The following DNM3 variants were observed in gnomAD, a reference collection of about 807,000 sequenced individuals.
DNM3 encodes the protein dynamin 3, also known as dynamin-3.
A neutral mutation model predicts 101.6 loss-of-function variants in DNM3; 47 were observed. That is an observed-to-expected ratio of 0.46 (90% confidence interval 0.37 to 0.59). DNM3 has a LOEUF of 0.59. Ranked by LOEUF, DNM3 falls within the 20% of genes least tolerant of loss-of-function variation. The probability of loss-of-function intolerance (pLI) is 0.00; values close to 1 mark genes in which losing one functional copy is unlikely to be tolerated. For synonymous variants in DNM3, 385 were observed against 387.9 expected, an observed-to-expected ratio of 0.99 and a Z score of 0.09; for missense variants, 849 against 1,085.7, an observed-to-expected ratio of 0.78 and a Z score of 3.06.
intron 2 of DNM3, among the ~76,000 whole-genome samples, chr1:171,929,145 C>T (rs2040808514): frequency 6.6e-6 from 1 of 152,098 alleles, no homozygotes. Flanking sequence ...TCTGCTTTAG[C>T]CCCTGGTTGC....
At chr1:171,874,995 C>T (rs10913908) in intron 1 of DNM3, among the ~76,000 whole-genome samples, 113,563 of 151,858 alleles carry the variant, frequency 0.75, 43,146 homozygotes, top group African/African-American at 0.9. Context: ...GCAAAGGACA[C>T]GATTTTGTTC....
intron 15 of DNM3, among the ~76,000 whole-genome samples, chr1:172,284,088 G>T (rs577781532): frequency 6.6e-6 from 1 of 152,134 alleles, no homozygotes; most frequent in African/African-American, 2.4e-5. Flanking sequence ...CAGCTGCTAC[G>T]TTTTCCTGGA....
At chr1:172,087,314 C>T (rs1445747955) in intron 12 of DNM3, among the ~76,000 whole-genome samples, 1 of 151,744 alleles carries the variant, frequency 6.6e-6, no homozygotes, top group African/African-American at 2.4e-5. Flanking sequence ...CACCCTAGAC[C>T]CCCTTCTTTC....
At chr1:171,936,818 C>A (rs1215652768) in intron 2 of DNM3, among the ~76,000 whole-genome samples, 1 of 24,666 alleles carries the variant, frequency 4.1e-5, no homozygotes, top group African/African-American at 1.5e-4. Context: ...AAGAAAGATA[C>A]CCAGTAACAG....
chr1:172,415,540 T>TTG (rs1558115326), downstream of DNM3, among the ~76,000 whole-genome samples: 9 of 143,636 alleles, frequency 6.3e-5, no homozygotes, highest in Middle Eastern at 3.5e-3. Context: ...TTTTTTTTTT[T>TTG]TTTTTTTGAG....
chr1:172,318,941 G>T (rs1168064554), intron 16 of DNM3, among the ~76,000 whole-genome samples: 1 of 152,056 alleles, frequency 6.6e-6, no homozygotes, highest in Admixed American at 6.5e-5. Context: ...TCAATCCTAA[G>T]CCAAAAGAAC....
chr1:172,066,930 ATC>A (rs773258323), intron 10 of DNM3, among the ~76,000 whole-genome samples: 1 of 145,030 alleles, frequency 6.9e-6, no homozygotes, highest in East Asian at 2.1e-4. Flanking sequence ...TTAGGTTGAG[ATC>A]TCTCTCTCTG....
At chr1:172,142,225 G>T (rs1197506460) in intron 14 of DNM3, 1 of 151,812 alleles carries the variant, frequency 6.6e-6, no homozygotes, top group Non-Finnish European at 1.5e-5. Flanking sequence ...TAAAATATTT[G>T]TATATCTCCT....
At chr1:172,343,777 C>G (rs995614101) in intron 17 of DNM3, among the ~76,000 whole-genome samples, 2 of 152,038 alleles carry the variant, frequency 1.3e-5, no homozygotes, top group Admixed American at 6.6e-5. Flanking sequence ...TGGGGATTTC[C>G]CGGAGAGAAT....
chr1:172,402,698 T>G (rs2070586807), intron 20 of DNM3, among the ~76,000 whole-genome samples: 1 of 152,204 alleles, frequency 6.6e-6, no homozygotes, highest in Non-Finnish European at 1.5e-5. Context: ...GTTATTCTTC[T>G]GATAATGACT....
chr1:172,038,685 T>A (rs2125825703), intron 7 of DNM3, among the ~76,000 whole-genome samples: 1 of 152,314 alleles, frequency 6.6e-6, no homozygotes, highest in East Asian at 1.9e-4. Context: ...CATGCCCATT[T>A]AAATTGTGTT....
chr1:172,308,043 A>T (rs1357759094), intron 15 of DNM3, among the ~76,000 whole-genome samples: 1 of 152,150 alleles, frequency 6.6e-6, no homozygotes, highest in Non-Finnish European at 1.5e-5. Context: ...CTTAAATAAA[A>T]AAAAGAAAAG....
At chr1:172,082,350 C>A (rs746602558) in intron 12 of DNM3, among the ~76,000 whole-genome samples, 5 of 146,420 alleles carry the variant, frequency 3.4e-5, no homozygotes, top group Non-Finnish European at 4.5e-5. Context: ...TTAAACTTTG[C>A]GAAATTAGAT....
At chr1:172,025,387 T>G (rs1306593248) in intron 4 of DNM3, among the ~76,000 whole-genome samples, 4 of 152,150 alleles carry the variant, frequency 2.6e-5, no homozygotes, top group Non-Finnish European at 5.9e-5. Flanking sequence ...TCAGCAGACT[T>G]AAATGTTCCT....
chr1:172,087,290 T>C (rs993922937), intron 12 of DNM3, among the ~76,000 whole-genome samples: 3 of 152,188 alleles, frequency 2.0e-5, no homozygotes, highest in African/African-American at 7.2e-5. Context: ...AGAACTATTC[T>C]TTAATCAATT....
chr1:172,261,555 G>T (rs1365876505), intron 15 of DNM3, among the ~76,000 whole-genome samples: 1 of 152,230 alleles, frequency 6.6e-6, no homozygotes, highest in Non-Finnish European at 1.5e-5. Context: ...GCCAATTCTT[G>T]TGCCTCCAGG....
intron 15 of DNM3, among the ~76,000 whole-genome samples, chr1:172,290,934 G>C (rs186800784): frequency 3.5e-4 from 53 of 152,226 alleles, no homozygotes; most frequent in Non-Finnish European, 6.9e-4. Context: ...AGTCAGGCGG[G>C]TGTGATATCA....
intron 13 of DNM3, among the ~76,000 whole-genome samples, chr1:172,118,018 G>A (rs1241103559): frequency 6.6e-6 from 1 of 152,178 alleles, no homozygotes; most frequent in Non-Finnish European, 1.5e-5. Flanking sequence ...TTTGTGGTTT[G>A]CACAAGGTGA....
chr1:172,323,063 G>A lies in DNM3; in HGVS notation c.1882-266G>A, dbSNP rs1451004047. On this transcript the variant is annotated intron_variant, in intron 16 of 20. Coordinates refer to ENST00000627582, the MANE Select transcript of DNM3 (RefSeq NM_015569.5). ...CCAAATAGAAAGAAAGGGGGCAACT[G>A]TTCTAAGTTTCTGCTGTTATAAATG... Among the ~76,000 whole-genome samples the A allele has an allele frequency of 3.9e-5, 6 of 152,214 alleles. No individual in the cohort carries two copies. The East Asian group carries it at 9.7e-4, about 25-fold the overall frequency.
Sources: allele counts gnomAD v4.1 joint callset (sites outside exome capture counted in the v4.1 genomes callset), GRCh38; gene constraint gnomAD v4.1.1; transcripts MANE v1.5; gene names NCBI Gene and HGNC (gene_info 2026-07-23, HGNC 2026-07-21).